Variants in CDH12 observed in about 807,000 individuals in gnomAD.
CDH12 encodes cadherin-12.
CDH12 carries 41 observed loss-of-function variants against 74.1 expected under a neutral mutation model. The observed-to-expected ratio is 0.55, with a 90% CI of 0.43 to 0.72. The LOEUF (loss-of-function observed/expected upper bound fraction) is 0.72, where lower values mean the gene tolerates loss of function less well. Ranked by LOEUF, CDH12 falls within the 30% of genes least tolerant of loss-of-function variation. The probability of loss-of-function intolerance (pLI) is 0.00; values close to 1 mark genes in which losing one functional copy is unlikely to be tolerated. For missense variants in CDH12, 945 were observed against 977.2 expected, an observed-to-expected ratio of 0.97 and a Z score of 0.44; for synonymous variants, 399 against 355.0, an observed-to-expected ratio of 1.12 and a Z score of -1.39.
chr5:22,603,387 TC>T (rs577594675), intron 1 of CDH12, among the ~76,000 whole-genome samples: 259 of 152,272 alleles, frequency 1.7e-3, no homozygotes, highest in African/African-American at 6.0e-3. Context: ...AGTAAAAATG[TC>T]CAGTGGCAGT....
chr5:22,627,591 A>G (rs560950376), intron 1 of CDH12, among the ~76,000 whole-genome samples: 85 of 152,256 alleles, frequency 5.6e-4, no homozygotes, highest in Non-Finnish European at 8.7e-4. Context: ...AGGGTGTGCA[A>G]AACAGGAAAA....
At chr5:22,087,692 A>G (rs1743162652) in intron 4 of CDH12, among the ~76,000 whole-genome samples, 1 of 152,180 alleles carries the variant, frequency 6.6e-6, no homozygotes, top group Admixed American at 6.5e-5. Flanking sequence ...CTATTTAGAC[A>G]TTGCTTTGTA....
chr5:22,157,005 T>C (rs896545998), intron 4 of CDH12, among the ~76,000 whole-genome samples: 2 of 152,126 alleles, frequency 1.3e-5, no homozygotes, highest in Non-Finnish European at 2.9e-5. Flanking sequence ...TGAACTCTAG[T>C]ATTAACAGGT....
intron 4 of CDH12, among the ~76,000 whole-genome samples, chr5:22,083,153 C>T (rs1263674905): frequency 6.6e-6 from 1 of 152,194 alleles, no homozygotes; most frequent in Non-Finnish European, 1.5e-5. Flanking sequence ...GCATATCACA[C>T]TTAGCAGAAG....
intron 1 of CDH12, among the ~76,000 whole-genome samples, chr5:22,774,661 C>T (rs1178425997): frequency 1.3e-5 from 2 of 152,126 alleles, no homozygotes; most frequent in African/African-American, 4.8e-5. Context: ...CTTGTTTCTC[C>T]TTGCCTTCAC....
intron 1 of CDH12, among the ~76,000 whole-genome samples, chr5:22,706,420 G>C (rs1743012321): frequency 6.6e-6 from 1 of 151,836 alleles, no homozygotes; most frequent in Non-Finnish European, 1.5e-5. Context: ...AAACTAAAAA[G>C]AAAGCCAATC....
chr5:22,420,403 T>G (rs950612138), intron 2 of CDH12, among the ~76,000 whole-genome samples: 2 of 152,184 alleles, frequency 1.3e-5, no homozygotes, highest in Non-Finnish European at 2.9e-5. Context: ...GCTATCCAGT[T>G]TGCCCAGCAC....
At position 21,935,104 on chromosome 5, in the gene CDH12, C is replaced by T. The variant is rs114238002; in HGVS notation, c.526+39987G>A. On this transcript the variant is annotated intron_variant, in intron 6 of 14. Transcript: ENST00000382254. ...CCCGGCCCCTTTTCTCCTTTCAATT[C>T]TTTCTCTCCTCTCCTTCTTTTGCTG... Among the ~76,000 whole-genome samples the T allele has an allele frequency of 3.5e-3, 538 of 151,988 alleles. 2 individuals are homozygous for T. Among genetic ancestry groups the T allele is most frequent in the African/African-American group, 0.011 (476 of 41,464 alleles).
At chr5:22,454,720 C>A (rs1561416706) in intron 2 of CDH12, among the ~76,000 whole-genome samples, 1 of 152,122 alleles carries the variant, frequency 6.6e-6, no homozygotes, top group Non-Finnish European at 1.5e-5. Flanking sequence ...AATGATCCAC[C>A]TAATCTAGCC....
intron 1 of CDH12, among the ~76,000 whole-genome samples, chr5:22,779,645 G>A (rs1351126615): frequency 6.6e-6 from 1 of 152,124 alleles, no homozygotes; most frequent in Non-Finnish European, 1.5e-5. Context: ...TTGTGATAGT[G>A]AGTGAGTTCT....
At chr5:22,847,729 C>A (rs1267127188) in intron 1 of CDH12, among the ~76,000 whole-genome samples, 1 of 152,106 alleles carries the variant, frequency 6.6e-6, no homozygotes, top group African/African-American at 2.4e-5. Context: ...AATAGTATAT[C>A]ACTGGCATTA....
intron 3 of CDH12, among the ~76,000 whole-genome samples, chr5:22,267,248 G>A: frequency 6.6e-6 from 1 of 152,124 alleles, no homozygotes; most frequent in East Asian, 1.9e-4. Flanking sequence ...GAATCTACTT[G>A]AATAATTATG....
chr5:22,816,536 C>A (rs748765933), intron 1 of CDH12, among the ~76,000 whole-genome samples: 1 of 152,132 alleles, frequency 6.6e-6, no homozygotes, highest in South Asian at 2.1e-4. Flanking sequence ...AGGAAAGTAT[C>A]TACTTTTCTT....
intron 1 of CDH12, among the ~76,000 whole-genome samples, chr5:22,835,241 A>G (rs1315791527): frequency 6.6e-6 from 1 of 152,084 alleles, no homozygotes; most frequent in Non-Finnish European, 1.5e-5. Flanking sequence ...CTTTTTTACA[A>G]TCTGCTTTGG....
intron 5 of CDH12, among the ~76,000 whole-genome samples, chr5:22,076,395 A>AT (rs1414323272): frequency 1.3e-5 from 2 of 152,086 alleles, no homozygotes; most frequent in East Asian, 3.9e-4. Context: ...TGTCAGTTTT[A>AT]TTTTTTTAAC....
In CDH12 at chr5:22,289,280, A is replaced by C. The variant is rs1004152254; in HGVS notation, c.-332-76637T>G. 1.2e-4 allele frequency among the ~76,000 whole-genome samples: 18 copies of C among 152,286 alleles called. No individual in the cohort carries two copies. The South Asian group carries it at 3.7e-3, about 32-fold the overall frequency. On this transcript the variant is annotated intron_variant, in intron 3 of 14. Transcript: ENST00000382254. Reference sequence around the variant, plus strand: ...ATCTTATAATCTTTAGAATAGAAAAAAATTCCAAAAAAGTAAAGAAATACT... The same window carrying C: ...ATCTTATAATCTTTAGAATAGAAAACAATTCCAAAAAAGTAAAGAAATACT...
At chr5:22,274,218 AT>A in intron 3 of CDH12, among the ~76,000 whole-genome samples, 1 of 152,204 alleles carries the variant, frequency 6.6e-6, no homozygotes, top group South Asian at 2.1e-4. Flanking sequence ...CAAAGTAAAT[AT>A]TTAGGGATAA....
At chr5:22,239,169 A>G (rs1752661344) in intron 3 of CDH12, among the ~76,000 whole-genome samples, 1 of 152,168 alleles carries the variant, frequency 6.6e-6, no homozygotes. Context: ...CTCTATCCCT[A>G]GAAAGGAAAG....
At chr5:22,798,943 C>T (rs1748368510) in intron 1 of CDH12, among the ~76,000 whole-genome samples, 1 of 151,900 alleles carries the variant, frequency 6.6e-6, no homozygotes, top group South Asian at 2.1e-4. Flanking sequence ...GACAAGAAAC[C>T]CCATCTATAC....
Sources: gnomAD v4.1 joint callset for allele counts (sites outside exome capture counted in the v4.1 genomes callset) on GRCh38, gnomAD v4.1.1 for gene constraint, MANE v1.5 for transcripts, NCBI Gene and HGNC (gene_info 2026-07-23, HGNC 2026-07-21) for gene names.